CA10: variants seen among roughly 807,000 people sequenced by gnomAD.
CA10 encodes the protein carbonic anhydrase 10 (inactive).
CA10 carries 14 observed loss-of-function variants against 44.2 expected under a neutral mutation model. The observed-to-expected ratio is 0.32, with a 90% CI of 0.21 to 0.50. The LOEUF (loss-of-function observed/expected upper bound fraction) is 0.50, where lower values mean the gene tolerates loss of function less well. Among genes scored for constraint, CA10 ranks in the 20% least tolerant of loss-of-function variants. The probability of loss-of-function intolerance (pLI) is 0.99; values close to 1 mark genes in which losing one functional copy is unlikely to be tolerated. For synonymous variants in CA10, 159 were observed against 141.6 expected (o/e 1.12, Z -0.87); for missense variants, 350 against 409.7 (o/e 0.85, Z 1.26).
At chr17:52,043,236 TTG>T (rs2144195033) in intron 2 of CA10, among the ~76,000 whole-genome samples, 1 of 152,236 alleles carries the variant, frequency 6.6e-6, no homozygotes, top group South Asian at 2.1e-4. Flanking sequence ...TTCTATTTAT[TTG>T]TGTCTTCTTC....
At chr17:51,939,743 G>T (rs1330823517) in intron 2 of CA10, among the ~76,000 whole-genome samples, 5 of 151,670 alleles carry the variant, frequency 3.3e-5, no homozygotes, top group Non-Finnish European at 7.4e-5. Context: ...TTTTTCTCTG[G>T]GTTATTTATG....
chr17:51,959,349 C>T (rs1327309653), intron 2 of CA10, among the ~76,000 whole-genome samples: 3 of 143,126 alleles, frequency 2.1e-5, no homozygotes. Flanking sequence ...TTTTCTCTTT[C>T]CAGTCTCTCT....
At chr17:52,010,909 T>A (rs192082304) in intron 2 of CA10, among the ~76,000 whole-genome samples, 1 of 149,294 alleles carries the variant, frequency 6.7e-6, no homozygotes, top group African/African-American at 2.5e-5. Context: ...GAGCAGGGAA[T>A]GAAGTCAAGT....
At position 51,927,557 on chromosome 17, in the gene CA10, C is replaced by T. The variant is rs189663672; in HGVS notation, c.279+3433G>A. ...TTGAAGTTATCCATATTTTACTCTGCGGTAACCTTCTCATCCTGTATTTCA... is the reference window on the plus strand; with the variant it reads ...TTGAAGTTATCCATATTTTACTCTGTGGTAACCTTCTCATCCTGTATTTCA... On this transcript the variant is annotated intron_variant, in intron 3 of 8. Coordinates refer to ENST00000451037, the MANE Select transcript of CA10 (RefSeq NM_020178.5). 5.5e-4 allele frequency among the ~76,000 whole-genome samples: 84 copies of T among 152,194 alleles called. 1 individual carries two copies. The highest frequency in any genetic ancestry group is 1.6e-3 in the African/African-American group (65 of 41,546).
chr17:51,934,969 T>G (rs144070557), intron 2 of CA10, among the ~76,000 whole-genome samples: 1 of 152,112 alleles, frequency 6.6e-6, no homozygotes, highest in African/African-American at 2.4e-5. Flanking sequence ...CTGTGCCTAC[T>G]GGGGCATGGG....
chr17:51,810,776 C>T (rs976183929), intron 3 of CA10, among the ~76,000 whole-genome samples: 1 of 152,190 alleles, frequency 6.6e-6, no homozygotes, highest in East Asian at 1.9e-4. Flanking sequence ...AAAGTGGCCC[C>T]TTACCCTCCA....
intron 2 of CA10, among the ~76,000 whole-genome samples, chr17:51,981,506 T>G (rs1338246132): frequency 1.3e-5 from 2 of 151,980 alleles, no homozygotes; most frequent in African/African-American, 2.4e-5. Flanking sequence ...AGAGCATTGA[T>G]TCTCTCTGAG....
intron 2 of CA10, among the ~76,000 whole-genome samples, chr17:51,992,972 A>G (rs970583505): frequency 6.6e-6 from 1 of 152,176 alleles, no homozygotes; most frequent in Non-Finnish European, 1.5e-5. Flanking sequence ...GATGCTAAAT[A>G]CTGATAGGCA....
rs1021664762 is a variant in CA10, at chr17:52,002,204, TA to T, written c.136+70114del. On this transcript the variant is annotated intron_variant, in intron 2 of 8. Coordinates refer to ENST00000451037, the MANE Select transcript of CA10 (RefSeq NM_020178.5). ...GTACCCTATAACTTAAAGTATAATTTAAAAAAAAGAAAAGTTATAAATGAAA... is the reference window on the plus strand; with the variant it reads ...GTACCCTATAACTTAAAGTATAATTTAAAAAAAGAAAAGTTATAAATGAAA... 7.3e-5 allele frequency among the ~76,000 whole-genome samples: 11 copies of T among 151,494 alleles called. No individual in the cohort carries two copies. In the South Asian group the frequency reaches 1.5e-3, roughly 20 times the overall value.
chr17:51,945,828 CCT>C (rs1241131764), intron 2 of CA10, among the ~76,000 whole-genome samples: 1 of 152,138 alleles, frequency 6.6e-6, no homozygotes, highest in Non-Finnish European at 1.5e-5. Context: ...CAAGATTACA[CCT>C]CTCACAGTCA....
At chr17:51,846,002 G>T (rs1203641864) in intron 3 of CA10, among the ~76,000 whole-genome samples, 1 of 152,190 alleles carries the variant, frequency 6.6e-6, no homozygotes, top group Non-Finnish European at 1.5e-5. Context: ...CTGGTCTCTG[G>T]TCTCCCTGAT....
intron 1 of CA10, among the ~76,000 whole-genome samples, chr17:52,092,592 A>C (rs922009284): frequency 5.9e-5 from 9 of 152,090 alleles, no homozygotes; most frequent in Non-Finnish European, 1.0e-4. Flanking sequence ...ATGCAAACTG[A>C]CCTAACCCAC....
chr17:51,662,715 A>G (rs553894345), intron 4 of CA10, among the ~76,000 whole-genome samples: 4 of 152,338 alleles, frequency 2.6e-5, no homozygotes, highest in African/African-American at 7.2e-5. Flanking sequence ...CTGTCCGGTG[A>G]TGAGATTTTC....
intron 4 of CA10, among the ~76,000 whole-genome samples, chr17:51,676,151 G>A (rs748763909): frequency 1.3e-4 from 20 of 152,270 alleles, no homozygotes; most frequent in South Asian, 4.1e-4. Flanking sequence ...ACCTATGACC[G>A]GCATTGCTGG....
intron 2 of CA10, among the ~76,000 whole-genome samples, chr17:52,045,016 A>C (rs538451289): frequency 4.2e-4 from 64 of 152,034 alleles, no homozygotes; most frequent in Middle Eastern, 3.4e-3. Flanking sequence ...AATAAGATGC[A>C]TCATAACAAA....
chr17:51,644,692 C>T (rs968030642), intron 6 of CA10, among the ~76,000 whole-genome samples: 1 of 151,920 alleles, frequency 6.6e-6, no homozygotes, highest in Non-Finnish European at 1.5e-5. Flanking sequence ...ATGAAAATGT[C>T]TTCTTTCCAG....
chr17:51,763,274 C>T (rs541998208), intron 3 of CA10: 1 of 152,284 alleles, frequency 6.6e-6, no homozygotes, highest in African/African-American at 2.4e-5. Context: ...TGAGGGAAGT[C>T]GGTGGAGCAT....
chr17:51,772,931 G>T (rs925839770), intron 3 of CA10, among the ~76,000 whole-genome samples: 1 of 152,058 alleles, frequency 6.6e-6, no homozygotes, highest in Non-Finnish European at 1.5e-5. Context: ...CCTTCTCTGG[G>T]CTCTTAGAGC....
intron 3 of CA10, among the ~76,000 whole-genome samples, chr17:51,818,622 T>C (rs1398251434): frequency 1.3e-5 from 2 of 152,080 alleles, no homozygotes; most frequent in East Asian, 3.8e-4. Context: ...AGGGATCGCT[T>C]TCGTGATGAT....
Sources: gnomAD v4.1 joint callset for allele counts (sites outside exome capture counted in the v4.1 genomes callset) on GRCh38, gnomAD v4.1.1 for gene constraint, MANE v1.5 for transcripts, NCBI Gene and HGNC (gene_info 2026-07-23, HGNC 2026-07-21) for gene names.